Variants in CCSER1 observed in about 807,000 individuals in gnomAD.
The protein encoded by CCSER1 is coiled-coil serine rich protein 1.
A neutral mutation model predicts 82.0 loss-of-function variants in CCSER1; 41 were observed. The observed-to-expected ratio is 0.50, with a 90% confidence interval of 0.39 to 0.65. The LOEUF is 0.65. CCSER1 is among the 30% of genes least tolerant of loss of function. The pLI, the probability that CCSER1 is intolerant of heterozygous loss-of-function variation, is 0.00. For synonymous variants in CCSER1, 414 were observed against 383.9 expected (o/e 1.08, Z -0.92); for missense variants, 1,119 against 1,064.2 (o/e 1.05, Z -0.72).
intron 4 of CCSER1, among the ~76,000 whole-genome samples, chr4:90,407,085 A>T (rs74764878): frequency 0.056 from 8,516 of 152,246 alleles, 456 homozygotes; most frequent in African/African-American, 0.14. Context: ...TTTTTCTTCG[A>T]AAAAAATAAA....
At position 90,309,451 on chromosome 4, in the gene CCSER1, C is replaced by A. The variant is rs1421551370; in HGVS notation, c.1167C>A (p.Asn389Lys). ...ATGGTGAAACAATGCTGGGGACAAA[C>A]TCCCCAAGGAAACTTGGATTTTATG... is the stretch of plus-strand genomic sequence containing the variant. Reference protein sequence around the residue: ...LQNGETMLGTNSPRKLGFYEQ... With the variant: ...LQNGETMLGTKSPRKLGFYEQ... The change falls in exon 2 of 11, where the codon AAC (asparagine) becomes AAA (lysine). Residue 389 changes from asparagine to lysine, a missense_variant. Asn to Lys is a moderately conservative substitution (Grantham distance 94). Transcript: ENST00000509176. 1 of 1,613,602 alleles carries A rather than the reference C, an allele frequency of 6.2e-7. No homozygotes were observed. The highest frequency in any genetic ancestry group is 8.5e-7 in the Non-Finnish European group (1 of 1,179,710).
chr4:90,547,383 A>G (rs1012875851), intron 5 of CCSER1, among the ~76,000 whole-genome samples: 1 of 152,048 alleles, frequency 6.6e-6, no homozygotes, highest in Non-Finnish European at 1.5e-5. Context: ...TTTCTTCACA[A>G]TTTGTATCCA....
At chr4:90,161,298 T>C (rs1382186581) in intron 1 of CCSER1, among the ~76,000 whole-genome samples, 1 of 152,192 alleles carries the variant, frequency 6.6e-6, no homozygotes, top group Non-Finnish European at 1.5e-5. Context: ...TTAACACTTA[T>C]TTAGCACTAA....
chr4:91,584,304 T>C (rs2110322782), intron 10 of CCSER1, among the ~76,000 whole-genome samples: 1 of 151,560 alleles, frequency 6.6e-6, no homozygotes, highest in Middle Eastern at 3.4e-3. Context: ...TTTGAGGCTC[T>C]TTGGACTAGA....
At chr4:91,202,121 A>G (rs182992978) in intron 10 of CCSER1, among the ~76,000 whole-genome samples, 12 of 151,724 alleles carry the variant, frequency 7.9e-5, no homozygotes, top group African/African-American at 2.9e-4. Flanking sequence ...ATAGGTGCCT[A>G]CTTACATTAA....
At chr4:90,900,006 A>T (rs534132973) in intron 8 of CCSER1, among the ~76,000 whole-genome samples, 10 of 151,472 alleles carry the variant, frequency 6.6e-5, no homozygotes, top group Admixed American at 1.3e-4. Flanking sequence ...TGTTTTTAAT[A>T]ATTTCAGTAA....
At chr4:90,448,765 A>G (rs1377456167) in intron 4 of CCSER1, among the ~76,000 whole-genome samples, 1 of 151,998 alleles carries the variant, frequency 6.6e-6, no homozygotes, top group Non-Finnish European at 1.5e-5. Context: ...CAAGAGAGAA[A>G]GCGAGAAGGG....
intron 4 of CCSER1, among the ~76,000 whole-genome samples, chr4:90,446,165 C>T (rs1485572196): frequency 6.6e-6 from 1 of 152,144 alleles, no homozygotes; most frequent in South Asian, 2.1e-4. Context: ...AAAGCATTAG[C>T]TCCAGTATAT....
chr4:91,454,764 A>G (rs954905092), intron 10 of CCSER1, among the ~76,000 whole-genome samples: 2 of 152,006 alleles, frequency 1.3e-5, no homozygotes, highest in African/African-American at 2.4e-5. Flanking sequence ...GTGTCAACTA[A>G]CAACATCTAA....
chr4:91,030,893 A>C (rs1044636326), intron 9 of CCSER1, among the ~76,000 whole-genome samples: 1 of 152,134 alleles, frequency 6.6e-6, no homozygotes, highest in African/African-American at 2.4e-5. Context: ...TTACTCTGTT[A>C]GACCTCTTTT....
chr4:90,509,073 A>G (rs1314544242), intron 5 of CCSER1, among the ~76,000 whole-genome samples: 1 of 152,104 alleles, frequency 6.6e-6, no homozygotes, highest in Non-Finnish European at 1.5e-5. Flanking sequence ...ATTCAGTCTC[A>G]GGTGGAAATC....
intron 10 of CCSER1, among the ~76,000 whole-genome samples, chr4:91,357,903 TG>T (rs36018148): frequency 0.38 from 31,038 of 82,724 alleles, 7,656 homozygotes; most frequent in East Asian, 0.81. Flanking sequence ...TTTTTTTTTT[TG>T]AAGATAACCA....
intron 1 of CCSER1, among the ~76,000 whole-genome samples, chr4:90,279,351 A>T (rs564189789): frequency 6.6e-6 from 1 of 152,186 alleles, no homozygotes; most frequent in Non-Finnish European, 1.5e-5. Context: ...AAGAATATGG[A>T]TTATAAGCCA....
chr4:90,713,608 A>G (rs1237865127), intron 6 of CCSER1, among the ~76,000 whole-genome samples: 3 of 151,336 alleles, frequency 2.0e-5, no homozygotes, highest in African/African-American at 7.3e-5. Flanking sequence ...AGAGAGTCTG[A>G]TGGCTATGTG....
intron 10 of CCSER1, among the ~76,000 whole-genome samples, chr4:91,156,469 A>G (rs1410134971): frequency 6.6e-6 from 1 of 151,700 alleles, no homozygotes; most frequent in African/African-American, 2.4e-5. Context: ...AGAATTTCTC[A>G]TATTTATTCT....
At chr4:90,156,034 A>G (rs1051082186) in intron 1 of CCSER1, among the ~76,000 whole-genome samples, 4 of 152,168 alleles carry the variant, frequency 2.6e-5, no homozygotes, top group Non-Finnish European at 2.9e-5. Context: ...CCCTCTACAC[A>G]CTGCTTTGAA....
intron 10 of CCSER1, among the ~76,000 whole-genome samples, chr4:91,315,744 A>C (rs1259848433): frequency 6.6e-6 from 1 of 152,056 alleles, no homozygotes; most frequent in Admixed American, 6.6e-5. Context: ...AATTATTTAC[A>C]ATGAATACTA....
At position 91,395,659 on chromosome 4, in the gene CCSER1, G is replaced by C. The variant is rs560746475; in HGVS notation, c.2218-202913G>C. Among the ~76,000 whole-genome samples the C allele has an allele frequency of 2.6e-5, 4 of 152,068 alleles. No individual in the cohort carries two copies. In the South Asian group the frequency reaches 8.3e-4, roughly 32 times the overall value. ...GTTTCTAGGAGAAAAAGTGAGAATA[G>C]GGTGTTTTTTTTATATCACAGGAAT... On this transcript the variant is annotated intron_variant, in intron 10 of 10. Transcript: ENST00000509176.
At chr4:91,388,776 T>C (rs1310320582) in intron 10 of CCSER1, among the ~76,000 whole-genome samples, 1 of 152,086 alleles carries the variant, frequency 6.6e-6, no homozygotes, top group Non-Finnish European at 1.5e-5. Context: ...AGTTAGGTAG[T>C]GTCCGTCTTC....
Sources: allele counts gnomAD v4.1 joint callset (sites outside exome capture counted in the v4.1 genomes callset), GRCh38; gene constraint gnomAD v4.1.1; transcripts MANE v1.5; gene names NCBI Gene and HGNC (gene_info 2026-07-23, HGNC 2026-07-21).